The following SCHIP1 variants were observed in gnomAD, a reference collection of about 807,000 sequenced individuals.
The protein encoded by SCHIP1 is schwannomin-interacting protein 1.
SCHIP1 carries 8 observed loss-of-function variants against 29.7 expected under a neutral mutation model. The ratio of observed to expected loss-of-function variants is 0.27; its 90% CI spans 0.16 to 0.49. SCHIP1 has a LOEUF of 0.49. Among genes scored for constraint, SCHIP1 ranks in the 20% least tolerant of loss-of-function variants. The probability of loss-of-function intolerance (pLI) is 0.99; values close to 1 mark genes in which losing one functional copy is unlikely to be tolerated. For synonymous variants in SCHIP1, 76 were observed against 94.9 expected (o/e 0.80, Z 1.16); for missense variants, 193 against 294.6 (o/e 0.66, Z 2.52).
chr3:159,549,669 A>T, the SCHIP1 span, among the ~76,000 whole-genome samples: 1 of 152,118 alleles, frequency 6.6e-6, no homozygotes, highest in Non-Finnish European at 1.5e-5. Flanking sequence ...TGAGAAAATT[A>T]ATTTCTGTTG....
chr3:159,618,126 G>A, the SCHIP1 span, among the ~76,000 whole-genome samples: 20 of 152,298 alleles, frequency 1.3e-4, no homozygotes, highest in East Asian at 3.5e-3. Context: ...TAGGTATGCT[G>A]TACTTTCCAC....
At chr3:159,639,604 A>G in the SCHIP1 span, among the ~76,000 whole-genome samples, 217 of 152,318 alleles carry the variant, frequency 1.4e-3, no homozygotes, top group African/African-American at 5.0e-3. Flanking sequence ...TCCAGCAGTA[A>G]ATCCAAAGAG....
the SCHIP1 span, among the ~76,000 whole-genome samples, chr3:159,743,840 G>T: frequency 6.6e-6 from 1 of 152,212 alleles, no homozygotes. Context: ...AAGGGCACAA[G>T]GGATTTTTCT....
At chr3:159,591,192 A>G in the SCHIP1 span, among the ~76,000 whole-genome samples, 1 of 152,320 alleles carries the variant, frequency 6.6e-6, no homozygotes, top group East Asian at 1.9e-4. Flanking sequence ...TTTTCTAAAT[A>G]TATAGTCATG....
At chr3:159,343,378 A>G in the SCHIP1 span, among the ~76,000 whole-genome samples, 4 of 152,334 alleles carry the variant, frequency 2.6e-5, no homozygotes, top group Admixed American at 2.6e-4. Flanking sequence ...CAATGCTTTC[A>G]ACAATCAGCA....
the SCHIP1 span, among the ~76,000 whole-genome samples, chr3:159,630,303 A>AT: frequency 7.2e-5 from 11 of 152,096 alleles, no homozygotes; most frequent in African/African-American, 2.7e-4. Context: ...CATCTACAGA[A>AT]TTTTTTTTAA....
the SCHIP1 span, among the ~76,000 whole-genome samples, chr3:159,473,674 G>GAAAAAAAAAAAAA: frequency 4.4e-4 from 36 of 81,424 alleles, no homozygotes; most frequent in Middle Eastern, 8.3e-3. Context: ...ATGTAACTAC[G>GAAAAAAAAAAAAA]AAAAAAAAAA....
At chr3:159,762,456 A>C in the SCHIP1 span, among the ~76,000 whole-genome samples, 1 of 152,172 alleles carries the variant, frequency 6.6e-6, no homozygotes, top group Admixed American at 6.5e-5. Flanking sequence ...CCTACTTAGG[A>C]ATCCCATGCA....
chr3:159,597,878 A>G, the SCHIP1 span, among the ~76,000 whole-genome samples: 1 of 152,194 alleles, frequency 6.6e-6, no homozygotes, highest in East Asian at 1.9e-4. Flanking sequence ...TTTATAAACA[A>G]AAGAGGTTTC....
chr3:159,712,412 T>G, the SCHIP1 span, among the ~76,000 whole-genome samples: 4 of 152,212 alleles, frequency 2.6e-5, no homozygotes, highest in Non-Finnish European at 5.9e-5. Context: ...CCAATAAAGT[T>G]GATGTCAAGA....
At chr3:159,803,675 A>T in the SCHIP1 span, among the ~76,000 whole-genome samples, 1 of 152,196 alleles carries the variant, frequency 6.6e-6, no homozygotes, top group East Asian at 1.9e-4. Flanking sequence ...GTTGAATTTC[A>T]AAGTTCTTGT....
chr3:159,752,968 T>C, the SCHIP1 span, among the ~76,000 whole-genome samples: 2 of 152,360 alleles, frequency 1.3e-5, no homozygotes, highest in South Asian at 2.1e-4. Context: ...CTACGGTAAA[T>C]GCTACAATGA....
At chr3:159,712,848 G>GAA in the SCHIP1 span, among the ~76,000 whole-genome samples, 8 of 145,580 alleles carry the variant, frequency 5.5e-5, no homozygotes, top group East Asian at 2.1e-4. Context: ...AAGAAAGAAA[G>GAA]AGAGAGAGAA....
At chr3:159,831,329 A>C in the SCHIP1 span, among the ~76,000 whole-genome samples, 1 of 152,166 alleles carries the variant, frequency 6.6e-6, no homozygotes, top group Non-Finnish European at 1.5e-5. Flanking sequence ...CAAATCTGCT[A>C]CTAACTTACT....
chr3:159,481,558 A>G, the SCHIP1 span, among the ~76,000 whole-genome samples: 3 of 152,148 alleles, frequency 2.0e-5, no homozygotes, highest in Admixed American at 2.0e-4. Flanking sequence ...TTTACTAGGT[A>G]TTCTGCATTT....
At chr3:159,691,018 G>A in the SCHIP1 span, among the ~76,000 whole-genome samples, 1 of 152,104 alleles carries the variant, frequency 6.6e-6, no homozygotes, top group East Asian at 1.9e-4. Flanking sequence ...CCAATTATGT[G>A]GTCGATTTTA....
the SCHIP1 span, among the ~76,000 whole-genome samples, chr3:159,501,133 C>T: frequency 6.6e-6 from 1 of 152,166 alleles, no homozygotes; most frequent in Non-Finnish European, 1.5e-5. Flanking sequence ...TACACTTGAG[C>T]TGGGAAAGAA....
the SCHIP1 span, among the ~76,000 whole-genome samples, chr3:159,828,399 ATATATATACG>A: frequency 2.0e-4 from 10 of 49,650 alleles, no homozygotes; most frequent in African/African-American, 7.4e-4. Context: ...ATATATACGT[ATATATATACG>A]TATATATACG....
the SCHIP1 span, among the ~76,000 whole-genome samples, chr3:159,425,214 C>A: frequency 2.4e-4 from 37 of 151,864 alleles, no homozygotes; most frequent in Admixed American, 1.6e-3. Flanking sequence ...ATGTAAATGG[C>A]CTAAATGCTC....
Sources: gnomAD v4.1 joint callset for allele counts (sites outside exome capture counted in the v4.1 genomes callset) on GRCh38, gnomAD v4.1.1 for gene constraint, MANE v1.5 for transcripts, NCBI Gene and HGNC (gene_info 2026-07-23, HGNC 2026-07-21) for gene names.